The following TBC1D9B variants were observed in gnomAD, a reference collection of about 807,000 sequenced individuals.
TBC1D9B encodes TBC1 domain family member 9B, also known as TBC1 domain family, member 9B (with GRAM domain).
TBC1D9B carries 87 observed loss-of-function variants against 121.1 expected under a neutral mutation model. The observed-to-expected ratio is 0.72, with a 90% CI of 0.60 to 0.86. The LOEUF is 0.86. Among genes scored for constraint, TBC1D9B ranks in the 40% least tolerant of loss-of-function variants. The pLI, the probability that TBC1D9B is intolerant of heterozygous loss-of-function variation, is 0.00. For synonymous variants in TBC1D9B, 668 were observed against 670.1 expected (o/e 1.00, Z 0.05); for missense variants, 1,540 against 1,628.6 (o/e 0.95, Z 0.94).
At chr5:179,871,248 T>G (rs1760187937) in intron 15 of TBC1D9B, among the ~76,000 whole-genome samples, 1 of 152,204 alleles carries the variant, frequency 6.6e-6, no homozygotes, top group South Asian at 2.1e-4. Flanking sequence ...TTTGCTGCCA[T>G]TTAAGAGGTC....
intron 7 of TBC1D9B, chr5:179,887,838 A>G: frequency 1.9e-6 from 1 of 535,780 alleles, no homozygotes; most frequent in Non-Finnish European, 3.3e-6. Flanking sequence ...CAATGCAGAA[A>G]GGACAGCCAG....
rs1380370544 is a variant in TBC1D9B at position 179,874,005 on chromosome 5, C to G, written c.2187-757G>C. Among the ~76,000 whole-genome samples the G allele has an allele frequency of 6.6e-6, 1 of 152,180 alleles. No individual in the cohort carries two copies. The highest frequency in any genetic ancestry group is 1.5e-5 in the Non-Finnish European group (1 of 68,032). ...GGCCCACAGTAGGGAGGTGACAACC[C>G]TGCTGGATCTAGAGAGTCCCAGGCA... On this transcript the variant is annotated intron_variant, in intron 12 of 20. Coordinates refer to ENST00000355235, the MANE Select transcript of TBC1D9B (RefSeq NM_015043.4). This position sits in a 1 kb window ranked among gnomAD's most constrained non-coding sequence, Gnocchi z 4.3.
In TBC1D9B at chr5:179,869,845, G is replaced by C; in HGVS notation, c.2726-11C>G. ...CGTGGTACATCCCGCCTGTGGAGAA[G>C]GCCAGGGAGGGCTGGGTCTGGCAAC... is the stretch of plus-strand genomic sequence containing the variant. On this transcript the variant is annotated splice_polypyrimidine_tract_variant and intron_variant, in intron 16 of 20. Transcript: ENST00000355235. 3 of 1,537,760 alleles carry C rather than the reference G, an allele frequency of 2.0e-6. No homozygotes were observed. The highest frequency in any genetic ancestry group is 2.6e-5 in the South Asian group (2 of 78,026).
chr5:179,896,100 G>A (rs1761009539), intron 3 of TBC1D9B, among the ~76,000 whole-genome samples: 1 of 152,092 alleles, frequency 6.6e-6, no homozygotes, highest in South Asian at 2.1e-4. Context: ...ACAGTTTCCT[G>A]CCCTTGGAAG....
In TBC1D9B at chr5:179,904,171, T is replaced by A. The variant is rs999888102; in HGVS notation, c.229+531A>T. Among the ~76,000 whole-genome samples, 2 of 150,876 alleles carry A rather than the reference T, an allele frequency of 1.3e-5. No homozygotes were observed. The highest frequency in any genetic ancestry group is 2.9e-5 in the Non-Finnish European group (2 of 67,924). On this transcript the variant is annotated intron_variant, in intron 2 of 20. Coordinates refer to ENST00000355235, the MANE Select transcript of TBC1D9B (RefSeq NM_015043.4). The surrounding 1 kb of genome is among the most constrained non-coding windows in gnomAD (Gnocchi z 4.2). ...CTGCGTCCCTAGAGGTACATGGGGA[T>A]CCATGGGGCTGTCCTCTCCTGCCCT...
intron 6 of TBC1D9B, among the ~76,000 whole-genome samples, chr5:179,889,271 A>G (rs1162656112): frequency 6.6e-6 from 1 of 151,794 alleles, no homozygotes; most frequent in Non-Finnish European, 1.5e-5. Context: ...CTCGTGACCC[A>G]CCCGCCTCAG....
Position 179,891,347 on chromosome 5 carries a change from A to G in TBC1D9B, c.1044+32T>C. 2.5e-6 allele frequency: 4 copies of G among 1,612,934 alleles called. No homozygotes were observed. The highest frequency in any genetic ancestry group is 3.4e-6 in the Non-Finnish European group (4 of 1,179,048). ...GCCCACTGACACCTCGGGGCTGGAA[A>G]GGCCTTGGCCTCTCAACTAGGGGAT... On this transcript the variant is annotated intron_variant, in intron 6 of 20. Coordinates refer to ENST00000355235, the MANE Select transcript of TBC1D9B (RefSeq NM_015043.4). This position sits in a 1 kb window ranked among gnomAD's most constrained non-coding sequence, Gnocchi z 4.3.
At position 179,891,489 on chromosome 5, in the gene TBC1D9B, T is replaced by C. The variant is rs377259389; in HGVS notation, c.934A>G (p.Thr312Ala). 4 of 1,614,002 alleles carry C rather than the reference T, an allele frequency of 2.5e-6. No homozygotes were observed. Among genetic ancestry groups the C allele is most frequent in the Admixed American group, 3.3e-5 (2 of 60,012 alleles). The change falls in exon 6 of 21, where the codon ACG becomes GCG. Residue 312 changes from threonine (T) to alanine (A), a missense_variant. By Grantham distance (58) the Thr-to-Ala change is moderately conservative (BLOSUM62 0). Coordinates refer to ENST00000355235, the MANE Select transcript of TBC1D9B (RefSeq NM_015043.4). This position sits in a 1 kb window ranked among gnomAD's most constrained non-coding sequence, Gnocchi z 4.3. ...LDGHTSCTLW[T>A]PFNKLHIPGQ... ...GGGATGTGCAGCTTGTTGAACGGCG[T>C]CCACAGGGTGCAGCTTGTGTGGCCG...
chr5:179,899,458 A>C (rs962837056), intron 2 of TBC1D9B, 151 bp from the exon 3 acceptor site: 40 of 666,240 alleles, frequency 6.0e-5, no homozygotes, highest in African/African-American at 4.2e-4. Context: ...AAGCTGATGG[A>C]TATGTGCATA....
intron 7 of TBC1D9B, among the ~76,000 whole-genome samples, chr5:179,880,342 T>A (rs531948383): frequency 2.0e-4 from 30 of 152,142 alleles, no homozygotes; most frequent in African/African-American, 6.7e-4. Flanking sequence ...GGCCTGAGAG[T>A]GATGCTGTCT....
At chr5:179,884,733 C>T (rs1760629726) in intron 7 of TBC1D9B, among the ~76,000 whole-genome samples, 1 of 152,200 alleles carries the variant, frequency 6.6e-6, no homozygotes, top group Non-Finnish European at 1.5e-5. Flanking sequence ...GGACATCACG[C>T]TGAATGAAAT....
In TBC1D9B at chr5:179,904,866, C is replaced by T. The variant is rs2113654795; in HGVS notation, c.119-54G>A. On this transcript the variant is annotated intron_variant, in intron 1 of 20. Transcript: ENST00000355235. The surrounding 1 kb of genome is among the most constrained non-coding windows in gnomAD (Gnocchi z 4.2). The stretch of plus-strand genomic sequence containing the variant: ...GTGAGGGGAGGGCCGGACTGAGGCC[C>T]CTGAAGGCTGAGTCTGGCCGGAGGC... 1 of 1,399,546 alleles carries T rather than the reference C, an allele frequency of 7.1e-7. No homozygotes were observed. Among genetic ancestry groups the T allele is most frequent in the East Asian group, 2.6e-5 (1 of 38,346 alleles). 86.7% of individuals were successfully genotyped at this position (1,399,546 alleles called of 1,614,324 possible).
chr5:179,906,704 T>C (rs922473452), intron 1 of TBC1D9B, among the ~76,000 whole-genome samples: 29 of 152,220 alleles, frequency 1.9e-4, no homozygotes, highest in Non-Finnish European at 3.1e-4. Context: ...TGAGTGTTTC[T>C]GGGAACAGAA....
chr5:179,869,297 A>T, intron 17 of TBC1D9B: 1 of 339,748 alleles, frequency 2.9e-6, no homozygotes, highest in Non-Finnish European at 5.8e-6. Context: ...CCCCCTGCAC[A>T]GACAGCCTGT....
chr5:179,872,848 G>GCCCCCCCCACCCCCCCC, intron 14 of TBC1D9B, 44 bp downstream of exon 14: 5 of 1,457,254 alleles, frequency 3.4e-6, no homozygotes, highest in East Asian at 4.8e-5. Context: ...AGGCACTGCT[G>GCCCCCCCCACCCCCCCC]CCCCCCCAGC....
chr5:179,889,384 C>G (rs538811873), intron 6 of TBC1D9B, among the ~76,000 whole-genome samples: 3 of 152,112 alleles, frequency 2.0e-5, no homozygotes, highest in African/African-American at 7.2e-5. Flanking sequence ...TGCCTGGGCG[C>G]AGGTCTGAGA....
rs201069565 is a variant in TBC1D9B at position 179,865,284 on chromosome 5, C to G, written c.2991G>C (p.Glu997Asp). The stretch of plus-strand genomic sequence containing the variant: ...TCATCTTGGGAAGATCCTTAATCGT[C>G]TCCTTCTGAGCCTCTTTCTCCTTGG... ...MWAKEKEAQK[E>D]TIKDLPKMNQ... The change falls in exon 20 of 21, where the codon GAG (glutamate) becomes GAC (aspartate). Residue 997 changes from glutamate (E) to aspartate (D), a missense_variant. Glu to Asp is a conservative substitution (Grantham distance 45, BLOSUM62 2). Transcript: ENST00000355235. This position sits in a 1 kb window ranked among gnomAD's most constrained non-coding sequence, Gnocchi z 5.1. The G allele has an allele frequency of 3.1e-6, 5 of 1,614,192 alleles. No homozygotes were observed. Among genetic ancestry groups the G allele is most frequent in the Non-Finnish European group, 4.2e-6 (5 of 1,180,034 alleles).
chr5:179,883,533 G>T (rs185395581), intron 7 of TBC1D9B, among the ~76,000 whole-genome samples: 1,549 of 148,374 alleles, frequency 0.01, 20 homozygotes, highest in South Asian at 0.014. Flanking sequence ...GAAATATCTG[G>T]TTTTTTTTTT....
Position 179,902,784 on chromosome 5 carries a change from C to G in TBC1D9B, c.229+1918G>C, listed in dbSNP as rs2113651696. Among the ~76,000 whole-genome samples, 1 of 152,310 alleles carries G rather than the reference C, an allele frequency of 6.6e-6. No homozygotes were observed. Among genetic ancestry groups the G allele is most frequent in the East Asian group, 1.9e-4 (1 of 5,172 alleles). ...CCACTCAGAAATGGTCCCCTCCCCA[C>G]AGGAAGCCCCTCCTCTGGCAAACTC... is the stretch of plus-strand genomic sequence containing the variant. On this transcript the variant is annotated intron_variant, in intron 2 of 20. Coordinates refer to ENST00000355235, the MANE Select transcript of TBC1D9B (RefSeq NM_015043.4). This position sits in a 1 kb window ranked among gnomAD's most constrained non-coding sequence, Gnocchi z 4.9.
Sources: gnomAD v4.1 joint callset for allele counts (sites outside exome capture counted in the v4.1 genomes callset) on GRCh38, gnomAD v4.1.1 for gene constraint, Gnocchi (gnomAD v3.1) non-coding constraint, MANE v1.5 for transcripts, NCBI Gene and HGNC (gene_info 2026-07-23, HGNC 2026-07-21) for gene names.